Variants in MYH14 observed in about 807,000 individuals in gnomAD.
MYH14 encodes the protein myosin-14.
In MYH14, 123 loss-of-function variants were observed where a neutral mutation model predicts 255.5. The observed-to-expected ratio is 0.48, with a 90% CI of 0.42 to 0.56. The LOEUF (loss-of-function observed/expected upper bound fraction) is 0.56. Among genes scored for constraint, MYH14 ranks in the 20% least tolerant of loss-of-function variants. The pLI, the probability that MYH14 is intolerant of heterozygous loss-of-function variation, is 0.00. For synonymous variants in MYH14, 1,095 were observed against 1,161.2 expected (o/e 0.94, Z 1.16); for missense variants, 2,423 against 2,802.3 (o/e 0.86, Z 3.06).
intron 20 of MYH14, 33 bp downstream of exon 20, chr19:50,260,748 C>CGTGTGT (rs149039486): frequency 2.1e-5 from 28 of 1,318,794 alleles, no homozygotes; most frequent in African/African-American, 3.3e-5. Context: ...TGCGTGTGTG[C>CGTGTGT]GTGTGTGTGT....
At chr19:50,253,739 T>C (rs866430026) in intron 16 of MYH14, among the ~76,000 whole-genome samples, 57 of 152,288 alleles carry the variant, frequency 3.7e-4, no homozygotes, top group African/African-American at 1.3e-3. Flanking sequence ...TTCCAAGCCT[T>C]TTCTGCCACT....
rs2034520668 is a variant in MYH14, at chr19:50,254,521, G to A, written c.1946-699G>A. Among the ~76,000 whole-genome samples, 3 of 152,278 alleles carry A rather than the reference G, an allele frequency of 2.0e-5. No individual in the cohort carries two copies. The South Asian group carries it at 6.2e-4, about 32-fold the overall frequency. On this transcript the variant is annotated intron_variant, in intron 16 of 42. Coordinates refer to ENST00000642316, the MANE Select transcript of MYH14 (RefSeq NM_001145809.2). ...GATTCTCCACAGTGAGCCCTCATTT[G>A]TCACACTCTGTGTGTGCCTGACTCT... is the stretch of plus-strand genomic sequence containing the variant.
intron 18 of MYH14, chr19:50,258,871 C>T (rs765004149): frequency 4.4e-5 from 16 of 364,738 alleles, no homozygotes; most frequent in East Asian, 3.4e-4. Flanking sequence ...TCCCTCCCTG[C>T]GGATCTTTTC....
rs1302911353 is a variant in MYH14, at chr19:50,260,643, C to A, written c.2355-3C>A. On this transcript the variant is annotated splice_polypyrimidine_tract_variant and splice_region_variant and intron_variant, in intron 19 of 42. Transcript: ENST00000642316. ...CCTCCCCACCCCTCCCTGCTCATTG[C>A]AGATACGAGATCCTGACACCCAATG... 1 of 1,611,392 alleles carries A rather than the reference C, an allele frequency of 6.2e-7. No individual in the cohort carries two copies. The highest frequency in any genetic ancestry group is 8.5e-7 in the Non-Finnish European group (1 of 1,178,022).
chr19:50,283,443 A>G (rs1241307720), intron 33 of MYH14, among the ~76,000 whole-genome samples: 1 of 152,242 alleles, frequency 6.6e-6, no homozygotes, highest in Non-Finnish European at 1.5e-5. Context: ...TCTGAGATCC[A>G]TCCATATTTT....
At chr19:50,223,958 G>T (rs552577348) in intron 5 of MYH14, among the ~76,000 whole-genome samples, 196 bp from the exon 6 acceptor site, 2 of 152,042 alleles carry the variant, frequency 1.3e-5, no homozygotes, top group African/African-American at 2.4e-5. Flanking sequence ...AAACATTTTT[G>T]AATAAAGGAG....
intron 10 of MYH14, among the ~76,000 whole-genome samples, chr19:50,236,425 G>A (rs745669385): frequency 2.0e-5 from 3 of 151,968 alleles, no homozygotes; most frequent in Non-Finnish European, 4.4e-5. Flanking sequence ...GAAACGAAAT[G>A]CCAGCTGGGC....
chr19:50,293,442 G>A lies in MYH14; in HGVS notation c.5345+121G>A, dbSNP rs2036156252. 3.3e-6 allele frequency: 5 copies of A among 1,535,134 alleles called. No homozygotes were observed. Among genetic ancestry groups the A allele is most frequent in the Middle Eastern group, 2.0e-4 (1 of 4,990 alleles). On this transcript the variant is annotated intron_variant, in intron 38 of 42. Coordinates refer to ENST00000642316, the MANE Select transcript of MYH14 (RefSeq NM_001145809.2). This position sits in a 1 kb window ranked among gnomAD's most constrained non-coding sequence, Gnocchi z 4.1. ...GGGAGGTGGGCGGGGTTAACCTCGGGGCCCCTGGGGTGTGAGGCTGGGGAG... is the reference window on the plus strand; with the variant it reads ...GGGAGGTGGGCGGGGTTAACCTCGGAGCCCCTGGGGTGTGAGGCTGGGGAG...
At position 50,280,157 on chromosome 19, in the gene MYH14, C is replaced by A; in HGVS notation, c.4137+16C>A. ...CGATGCCCAGGTGACCCTGCCTGCC[C>A]TTCGGCTCCACCGTCACCCTCCCCT... On this transcript the variant is annotated intron_variant, in intron 31 of 42. Coordinates refer to ENST00000642316, the MANE Select transcript of MYH14 (RefSeq NM_001145809.2). This position sits in a 1 kb window ranked among gnomAD's most constrained non-coding sequence, Gnocchi z 4.8. 1.3e-6 allele frequency: 2 copies of A among 1,580,470 alleles called. No individual in the cohort carries two copies. Among genetic ancestry groups the A allele is most frequent in the Admixed American group, 1.9e-5 (1 of 53,994 alleles).
Position 50,268,235 on chromosome 19 carries a change from G to A in MYH14, c.2901G>A (p.Thr967=), listed in dbSNP as rs751089712. The A allele has an allele frequency of 8.9e-6, 14 of 1,564,762 alleles. No homozygotes were observed. Among genetic ancestry groups the A allele is most frequent in the African/African-American group, 1.4e-5 (1 of 73,530 alleles). Residue 967 remains threonine (T), a synonymous_variant, in exon 24 of 43, where the codon ACG becomes ACA. Transcript: ENST00000642316. ...AACTGTGTGCAGAGGCCGAGGAGAC[G>A]CGGGGGAGGCTGGCAGCCCGCAAGC... is the stretch of plus-strand genomic sequence containing the variant. ...EAELCAEAEE[T]RGRLAARKQE...
At chr19:50,301,526 A>T in intron 39 of MYH14, 135 bp from the exon 40 acceptor site, 1 of 634,764 alleles carries the variant, frequency 1.6e-6, no homozygotes, top group Non-Finnish European at 2.8e-6. Flanking sequence ...TCTGTTGAGT[A>T]TTTAGTATGT....
At chr19:50,295,273 C>T (rs1034315146) in intron 39 of MYH14, among the ~76,000 whole-genome samples, 9 of 151,358 alleles carry the variant, frequency 5.9e-5, no homozygotes, top group East Asian at 5.9e-4. Flanking sequence ...TGCAGTAAGC[C>T]GAGATCGCAC....
chr19:50,300,951 T>TA (rs34175711), intron 39 of MYH14, among the ~76,000 whole-genome samples: 19,276 of 142,700 alleles, frequency 0.14, 1,320 homozygotes, highest in East Asian at 0.27. Context: ...TTTTTTAAGT[T>TA]AAAAAAAAAA....
chr19:50,268,345 A>G lies in MYH14; in HGVS notation c.3011A>G (p.Lys1004Arg), dbSNP rs773154429. The change falls in exon 24 of 43, where the codon AAG (lysine) becomes AGG (arginine). Residue 1004 changes from lysine to arginine, a missense_variant. By Grantham distance (26) the Lys-to-Arg change is conservative. Transcript: ENST00000642316. Reference protein sequence around the residue: ...ECSRQMQTEKKRLQQHIQELE... With the variant: ...ECSRQMQTEKRRLQQHIQELE... ...AGCCGTCAAATGCAAACCGAGAAGA[A>G]GAGGCTGCAGCAGCACATACAGGTC... 6.3e-7 allele frequency: 1 copy of G among 1,580,874 alleles called. No homozygotes were observed.
At chr19:50,259,350 C>A in intron 19 of MYH14, 85 bp downstream of exon 19, 2 of 1,504,618 alleles carry the variant, frequency 1.3e-6, no homozygotes, top group East Asian at 2.5e-5. Flanking sequence ...TTCAGGTCTC[C>A]ACCCACTCTT....
chr19:50,250,186 C>T lies in MYH14; in HGVS notation c.1657-329C>T, dbSNP rs1242436332. Among the ~76,000 whole-genome samples, 8 of 151,096 alleles carry T rather than the reference C, an allele frequency of 5.3e-5. No individual in the cohort carries two copies. In the South Asian group the frequency reaches 8.3e-4, roughly 16 times the overall value. On this transcript the variant is annotated intron_variant, in intron 14 of 42. Coordinates refer to ENST00000642316, the MANE Select transcript of MYH14 (RefSeq NM_001145809.2). This position sits in a 1 kb window ranked among gnomAD's most constrained non-coding sequence, Gnocchi z 5.4. ...CGCGATCTCTGCTTACTGCAAGCTT[C>T]GCCCCCTGGGTTCACGCCATTCTCC...
intron 40 of MYH14, 60 bp downstream of exon 40, chr19:50,301,929 A>G (rs1267470325): frequency 7.3e-7 from 1 of 1,365,582 alleles, no homozygotes; most frequent in Non-Finnish European, 1.0e-6. Context: ...TGGTGAGAGG[A>G]AGGAGGCTGT....
Position 50,301,751 on chromosome 19 carries a change from G to C in MYH14, c.5560G>C (p.Glu1854Gln). Reference sequence around the variant, plus strand: ...GCAGCAGCTGGAACGGCAGATCCAGGAGCTACGGGGACGCCTGGGTGAGGA... The same window carrying C: ...GCAGCAGCTGGAACGGCAGATCCAGCAGCTACGGGGACGCCTGGGTGAGGA... ...GRQQLERQIQ[E>Q]LRGRLGEEDA... is the part of the protein sequence containing the mutation. The change falls in exon 40 of 43, where the codon GAG (glutamate) becomes CAG (glutamine). Residue 1854 changes from glutamate (E) to glutamine (Q), a missense_variant. By Grantham distance (29) the Glu-to-Gln change is conservative. Coordinates refer to ENST00000642316, the MANE Select transcript of MYH14 (RefSeq NM_001145809.2). 1 of 1,613,898 alleles carries C rather than the reference G, an allele frequency of 6.2e-7. No individual in the cohort carries two copies. Among genetic ancestry groups the C allele is most frequent in the Non-Finnish European group, 8.5e-7 (1 of 1,179,864 alleles).
chr19:50,240,408 A>G (rs2033845176), intron 10 of MYH14, among the ~76,000 whole-genome samples: 1 of 151,990 alleles, frequency 6.6e-6, no homozygotes, highest in African/African-American at 2.4e-5. Flanking sequence ...CCAAGATCCC[A>G]TCTGGACAAA....
Sources: allele counts gnomAD v4.1 joint callset (sites outside exome capture counted in the v4.1 genomes callset), GRCh38; gene constraint gnomAD v4.1.1; non-coding constraint Gnocchi (gnomAD v3.1); transcripts MANE v1.5; gene names NCBI Gene and HGNC (gene_info 2026-07-23, HGNC 2026-07-21).